The following ZNF556 variants were observed in gnomAD, a reference collection of about 807,000 sequenced individuals.
ZNF556 encodes zinc finger protein 556.
Under a neutral mutation model 13.6 loss-of-function variants are expected in ZNF556, and 11 were observed. The ratio of observed to expected loss-of-function variants is 0.81; its 90% CI spans 0.51 to 1.33. The LOEUF is 1.33. Ranked by LOEUF, ZNF556 falls within the 40% of genes most tolerant of loss-of-function variation. The pLI, the probability that ZNF556 is intolerant of heterozygous loss-of-function variation, is 0.00. For synonymous variants in ZNF556, 229 were observed against 207.8 expected (o/e 1.10, Z -0.88); for missense variants, 633 against 566.2 (o/e 1.12, Z -1.20).
At chr19:2,870,175 G>A (rs2087790306) in intron 1 of ZNF556, among the ~76,000 whole-genome samples, 1 of 152,166 alleles carries the variant, frequency 6.6e-6, no homozygotes, top group African/African-American at 2.4e-5. Context: ...ATTTTGGGTT[G>A]GGCCCCCATG....
At chr19:2,877,009 TTG>T (rs2087857743) in intron 3 of ZNF556, among the ~76,000 whole-genome samples, 1 of 151,998 alleles carries the variant, frequency 6.6e-6, no homozygotes, top group African/African-American at 2.4e-5. Context: ...GGTGAGGAGT[TTG>T]TGACCAGCCT....
rs57053138 is a variant in ZNF556 at position 2,882,531 on chromosome 19, A to ATATATATATATATAGTGT, written c.*4202_*4203insTATATATATATATAGTGT. The ATATATATATATATAGTGT allele has an allele frequency of 7.8e-6, 1 of 127,720 alleles. No homozygotes were observed. The highest frequency in any genetic ancestry group is 3.0e-5 in the African/African-American group (1 of 32,938). 7.9% of individuals were successfully genotyped at this position (127,720 alleles called of 1,614,324 possible). On this transcript the variant is annotated 3_prime_UTR_variant, in exon 4 of 4. Coordinates refer to ENST00000307635, the MANE Select transcript of ZNF556 (RefSeq NM_024967.3). Reference sequence around the variant, plus strand: ...ATACATTTTATATATATATATATATAGTGTGTGTGTGTGTGTGTGTGTGTG... The same window carrying ATATATATATATATAGTGT: ...ATACATTTTATATATATATATATATATATATATATATATAGTGTGTGTGTGTGTGTGTGTGTGTGTGTG...
chr19:2,879,082 T>G lies in ZNF556; in HGVS notation c.*753T>G, dbSNP rs1318041680. The G allele has an allele frequency of 2.6e-5, 4 of 152,196 alleles. No homozygotes were observed. The highest frequency in any genetic ancestry group is 5.9e-5 in the Non-Finnish European group (4 of 68,024). 9.4% of individuals were successfully genotyped at this position (152,196 alleles called of 1,614,324 possible). On this transcript the variant is annotated 3_prime_UTR_variant, in exon 4 of 4. Coordinates refer to ENST00000307635, the MANE Select transcript of ZNF556 (RefSeq NM_024967.3). ...CTGGATATTACTACCATGTTACTTT[T>G]ATTCCACCTTTCCATTTTACAGGGA...
At chr19:2,867,725 A>C (rs1165810529) in intron 1 of ZNF556, among the ~76,000 whole-genome samples, 1,385 of 132,394 alleles carry the variant, frequency 0.01, 32 homozygotes, top group African/African-American at 0.047. Context: ...AAAACAAAAC[A>C]AAAAAAAAAA....
In ZNF556 at chr19:2,880,437, A is replaced by G. The variant is rs538314195; in HGVS notation, c.*2108A>G. The G allele has an allele frequency of 6.6e-6, 1 of 152,306 alleles. No homozygotes were observed. Among genetic ancestry groups the G allele is most frequent in the South Asian group, 2.1e-4 (1 of 4,828 alleles). 9.4% of individuals were successfully genotyped at this position (152,306 alleles called of 1,614,324 possible). The stretch of plus-strand genomic sequence containing the variant: ...TTATTTACTGGGAGAATGTATTAAA[A>G]TATTGAAAATTGCCAAATCAACATG... On this transcript the variant is annotated 3_prime_UTR_variant, in exon 4 of 4. Coordinates refer to ENST00000307635, the MANE Select transcript of ZNF556 (RefSeq NM_024967.3).
chr19:2,878,954 C>A lies in ZNF556; in HGVS notation c.*625C>A, dbSNP rs757811036. 2 of 152,070 alleles carry A rather than the reference C, an allele frequency of 1.3e-5. No individual in the cohort carries two copies. Among genetic ancestry groups the A allele is most frequent in the South Asian group, 2.1e-4 (1 of 4,826 alleles). The allele number at this position is 152,070 out of a possible 1,614,324, so 9.4% of individuals were successfully genotyped here. A position where few individuals can be genotyped will look rare whatever the true frequency, so the allele number is the denominator to read the frequency against. On this transcript the variant is annotated 3_prime_UTR_variant, in exon 4 of 4. Transcript: ENST00000307635. ...TCTGATGTATTTTAATATGCATTAACTTTAATTTTTATATATTTTTTTTGT... is the reference window on the plus strand; with the variant it reads ...TCTGATGTATTTTAATATGCATTAAATTTAATTTTTATATATTTTTTTTGT...
chr19:2,867,516 G>T (rs1438623610), intron 1 of ZNF556, 92 bp downstream of exon 1: 5 of 1,532,746 alleles, frequency 3.3e-6, no homozygotes, highest in East Asian at 2.4e-5. Flanking sequence ...CGGGGGAGCC[G>T]CCCGGAACCC....
Position 2,879,363 on chromosome 19 carries a change from T to G in ZNF556, c.*1034T>G, listed in dbSNP as rs1418411656. The G allele has an allele frequency of 1.3e-5, 2 of 152,116 alleles. No homozygotes were observed. Among genetic ancestry groups the G allele is most frequent in the Admixed American group, 1.3e-4 (2 of 15,240 alleles). 9.4% of individuals were successfully genotyped at this position (152,116 alleles called of 1,614,324 possible). A position where few individuals can be genotyped will look rare whatever the true frequency, so the allele number is the denominator to read the frequency against. On this transcript the variant is annotated 3_prime_UTR_variant, in exon 4 of 4. Coordinates refer to ENST00000307635, the MANE Select transcript of ZNF556 (RefSeq NM_024967.3). ...TTTTTTGGGTTTTTTTTCTTTTTCT[T>G]TTTTGAGACAGAGTCCTGTTATGTT...
At chr19:2,868,443 T>A (rs1482080490) in intron 1 of ZNF556, among the ~76,000 whole-genome samples, 4 of 152,060 alleles carry the variant, frequency 2.6e-5, no homozygotes. Flanking sequence ...AACGGAGTCT[T>A]GCTCTGTCAC....
At chr19:2,872,465 C>T (rs1196040492) in intron 1 of ZNF556, among the ~76,000 whole-genome samples, 1 of 152,062 alleles carries the variant, frequency 6.6e-6, no homozygotes, top group Non-Finnish European at 1.5e-5. Flanking sequence ...TCTGTATGGC[C>T]TGGTTTTTCC....
chr19:2,872,899 A>T (rs2087817013), intron 1 of ZNF556, among the ~76,000 whole-genome samples: 1 of 151,996 alleles, frequency 6.6e-6, no homozygotes, highest in Admixed American at 6.6e-5. Flanking sequence ...TTGGGAGGCC[A>T]AGACAGCTGG....
At position 2,879,317 on chromosome 19, in the gene ZNF556, G is replaced by C. The variant is rs2087886954; in HGVS notation, c.*988G>C. The C allele has an allele frequency of 6.6e-6, 1 of 151,880 alleles. No individual in the cohort carries two copies. The highest frequency in any genetic ancestry group is 2.1e-4 in the South Asian group (1 of 4,810). The allele number at this position is 151,880 out of a possible 1,614,324, so 9.4% of individuals were successfully genotyped here. On this transcript the variant is annotated 3_prime_UTR_variant, in exon 4 of 4. Coordinates refer to ENST00000307635, the MANE Select transcript of ZNF556 (RefSeq NM_024967.3). ...TGTTTGCTCTTTGACCTGGCTTCTG[G>C]GTTGGAATTGGAAAATAGGTTTTTT... is the stretch of plus-strand genomic sequence containing the variant.
chr19:2,883,153 G>T lies in ZNF556; in HGVS notation c.*4824G>T, dbSNP rs2087917572. The T allele has an allele frequency of 6.6e-6, 1 of 152,020 alleles. No individual in the cohort carries two copies. The highest frequency in any genetic ancestry group is 2.4e-5 in the African/African-American group (1 of 41,390). The allele number at this position is 152,020 out of a possible 1,614,324, so 9.4% of individuals were successfully genotyped here. On this transcript the variant is annotated 3_prime_UTR_variant, in exon 4 of 4. Transcript: ENST00000307635. ...CTAGGCAAGTGTGCCATGATTTCCT[G>T]GTGAGGATAAAATCTATGGACGGTG...
At chr19:2,870,323 C>T (rs139548255) in intron 1 of ZNF556, among the ~76,000 whole-genome samples, 95 of 151,834 alleles carry the variant, frequency 6.3e-4, no homozygotes, top group Middle Eastern at 3.4e-3. Flanking sequence ...CCAGGCATGG[C>T]GGCACACACC....
chr19:2,883,169 A>G lies in ZNF556; in HGVS notation c.*4840A>G, dbSNP rs1235014023. The G allele has an allele frequency of 1.3e-5, 2 of 152,202 alleles. No homozygotes were observed. The highest frequency in any genetic ancestry group is 4.8e-5 in the African/African-American group (2 of 41,456). 9.4% of individuals were successfully genotyped at this position (152,202 alleles called of 1,614,324 possible). On this transcript the variant is annotated 3_prime_UTR_variant, in exon 4 of 4. Coordinates refer to ENST00000307635, the MANE Select transcript of ZNF556 (RefSeq NM_024967.3). Reference sequence around the variant, plus strand: ...TGATTTCCTGGTGAGGATAAAATCTATGGACGGTGAGAGAACTAGTCAAGG... The same window carrying G: ...TGATTTCCTGGTGAGGATAAAATCTGTGGACGGTGAGAGAACTAGTCAAGG...
rs2087864562 is a variant in ZNF556, at chr19:2,877,543, A to G, written c.585A>G (p.Lys195=). 1.9e-6 allele frequency: 3 copies of G among 1,614,036 alleles called. No individual in the cohort carries two copies. Among genetic ancestry groups the G allele is most frequent in the South Asian group, 1.1e-5 (1 of 91,084 alleles). ...SRPSYLQTHE[K]THSGEKPYAC... ...CTTCCTACCTACAGACGCATGAGAAAACTCACAGTGGAGAGAAACCCTATG... is the reference window on the plus strand; with the variant it reads ...CTTCCTACCTACAGACGCATGAGAAGACTCACAGTGGAGAGAAACCCTATG... Residue 195 remains lysine, a synonymous_variant, in exon 4 of 4, where the codon AAA becomes AAG. Transcript: ENST00000307635.
At chr19:2,869,629 G>A (rs1358743010) in intron 1 of ZNF556, among the ~76,000 whole-genome samples, 3 of 152,176 alleles carry the variant, frequency 2.0e-5, no homozygotes, top group African/African-American at 7.2e-5. Context: ...GCCTCCCAAA[G>A]TGCTGGGATT....
At chr19:2,871,728 A>G (rs1042503010) in intron 1 of ZNF556, among the ~76,000 whole-genome samples, 2 of 152,182 alleles carry the variant, frequency 1.3e-5, no homozygotes, top group African/African-American at 4.8e-5. Context: ...TGCAGAGACA[A>G]GAGAGCGTAG....
rs1188075683 is a variant in ZNF556, at chr19:2,882,435, AAAAG to A, written c.*4108_*4111del. 1.3e-5 allele frequency: 2 copies of A among 151,890 alleles called. No homozygotes were observed. Among genetic ancestry groups the A allele is most frequent in the Non-Finnish European group, 2.9e-5 (2 of 68,028 alleles). The allele number at this position is 151,890 out of a possible 1,614,324, so 9.4% of individuals were successfully genotyped here. Reference sequence around the variant, plus strand: ...TGAGTGGGACTCTGTCTCAAAAAAAAAAAGAGACAAAAGGTATATTTATGGTTCA... The same window carrying A: ...TGAGTGGGACTCTGTCTCAAAAAAAAAGACAAAAGGTATATTTATGGTTCA... On this transcript the variant is annotated 3_prime_UTR_variant, in exon 4 of 4. Coordinates refer to ENST00000307635, the MANE Select transcript of ZNF556 (RefSeq NM_024967.3).
Sources: gnomAD v4.1 joint callset for allele counts (sites outside exome capture counted in the v4.1 genomes callset) on GRCh38, gnomAD v4.1.1 for gene constraint, MANE v1.5 for transcripts, NCBI Gene and HGNC (gene_info 2026-07-23, HGNC 2026-07-21) for gene names.